Variants in TMEM40 observed in about 807,000 individuals in gnomAD.
TMEM40 encodes transmembrane protein 40.
A neutral mutation model predicts 40.8 loss-of-function variants in TMEM40; 34 were observed. The ratio of observed to expected loss-of-function variants is 0.83; its 90% CI spans 0.63 to 1.11. TMEM40 has a LOEUF of 1.11. Ranked by LOEUF, TMEM40 falls within the 50% of genes least tolerant of loss-of-function variation. TMEM40 has a pLI of 0.00. For missense variants in TMEM40, 296 were observed against 280.2 expected (o/e 1.06, Z -0.40); for synonymous variants, 106 against 107.0 (o/e 0.99, Z 0.06).
At chr3:12,744,011 T>C (rs556361074) in intron 3 of TMEM40, 22 bp from the exon 4 acceptor site, 1 of 1,607,888 alleles carries the variant, frequency 6.2e-7, no homozygotes, top group South Asian at 1.1e-5. Context: ...AAACACAAGC[T>C]GTAGGAGAAG....
intron 1 of TMEM40, among the ~76,000 whole-genome samples, chr3:12,755,253 T>TTCTC (rs2061517475): frequency 8.4e-6 from 1 of 119,222 alleles, no homozygotes; most frequent in African/African-American, 3.7e-5. Context: ...CTTTCTTTCT[T>TTCTC]TCTTTCTTTC....
At chr3:12,759,815 G>T (rs1040787782), upstream of TMEM40, among the ~76,000 whole-genome samples, 10 of 152,118 alleles carry the variant, frequency 6.6e-5, no homozygotes, top group Non-Finnish European at 1.3e-4. Context: ...GGAAAACACA[G>T]GTCCCTAGAG....
At chr3:12,739,864 T>C (rs2061367688) in intron 5 of TMEM40, among the ~76,000 whole-genome samples, 1 of 151,472 alleles carries the variant, frequency 6.6e-6, no homozygotes, top group Non-Finnish European at 1.5e-5. Flanking sequence ...CTCTCTGTCA[T>C]CCAGGTTGCA....
At chr3:12,746,568 G>A (rs1413631700) in intron 3 of TMEM40, among the ~76,000 whole-genome samples, 5 of 152,212 alleles carry the variant, frequency 3.3e-5, no homozygotes, top group South Asian at 2.1e-4. Context: ...GGACGGCAGG[G>A]CTGCGGTGAG....
At chr3:12,765,120 G>A (rs2061588072) in intron 1 of TMEM40, among the ~76,000 whole-genome samples, 1 of 152,102 alleles carries the variant, frequency 6.6e-6, no homozygotes, top group South Asian at 2.1e-4. Flanking sequence ...GCCTCCTAAA[G>A]TGCTGGGATT....
chr3:12,736,889 G>A, intron 8 of TMEM40, 54 bp from the exon 9 acceptor site: 1 of 1,609,838 alleles, frequency 6.2e-7, no homozygotes, highest in South Asian at 1.1e-5. Context: ...CTCTTTTTTT[G>A]GGCAGAGGAG....
intron 1 of TMEM40, among the ~76,000 whole-genome samples, chr3:12,750,979 C>A (rs2061470965): frequency 6.6e-6 from 1 of 152,090 alleles, no homozygotes; most frequent in African/African-American, 2.4e-5. Context: ...TGGCAGGAAG[C>A]CTCCTCCCCT....
At chr3:12,760,432 A>G (rs2061561529), upstream of TMEM40, among the ~76,000 whole-genome samples, 2 of 152,022 alleles carry the variant, frequency 1.3e-5, no homozygotes, top group African/African-American at 4.8e-5. Flanking sequence ...ACACTGGAAC[A>G]TGTTCCAGTT....
At chr3:12,767,077 G>C (rs1001439218) in intron 1 of TMEM40, among the ~76,000 whole-genome samples, 1 of 152,142 alleles carries the variant, frequency 6.6e-6, no homozygotes, top group Non-Finnish European at 1.5e-5. Context: ...CTTTCCTCCA[G>C]GTGAGGGAAG....
chr3:12,738,099 C>G, intron 7 of TMEM40, 37 bp downstream of exon 7: 1 of 1,612,368 alleles, frequency 6.2e-7, no homozygotes, highest in South Asian at 1.1e-5. Flanking sequence ...GGAATCCACA[C>G]CCGCTCTGGC....
intron 1 of TMEM40, among the ~76,000 whole-genome samples, chr3:12,769,086 G>A (rs915941405): frequency 1.4e-4 from 22 of 151,978 alleles, no homozygotes; most frequent in African/African-American, 3.9e-4. Context: ...GGTACCCGGC[G>A]CACCCTCCAC....
At chr3:12,752,334 G>A (rs1020613947) in intron 1 of TMEM40, among the ~76,000 whole-genome samples, 2 of 152,160 alleles carry the variant, frequency 1.3e-5, no homozygotes, top group Non-Finnish European at 2.9e-5. Flanking sequence ...ACCCTGTACA[G>A]AGCCGGGAAC....
At chr3:12,748,842 C>T (rs1458445975) in intron 2 of TMEM40, 50 bp from the exon 3 acceptor site, 2 of 1,555,538 alleles carry the variant, frequency 1.3e-6, no homozygotes, top group South Asian at 1.1e-5. Flanking sequence ...CCCTTCCCAC[C>T]CCAGGGACCA....
intron 6 of TMEM40, 135 bp from the exon 7 acceptor site, chr3:12,738,303 C>T: frequency 1.9e-6 from 2 of 1,077,950 alleles, no homozygotes; most frequent in Non-Finnish European, 1.4e-6. Context: ...GTATCCTTCT[C>T]TCTATTGATG....
intron 1 of TMEM40, among the ~76,000 whole-genome samples, chr3:12,752,490 G>A (rs1337113481): frequency 6.6e-6 from 1 of 152,162 alleles, no homozygotes; most frequent in Non-Finnish European, 1.5e-5. Context: ...TTGGGGCACA[G>A]AGAGGATAAG....
chr3:12,738,606 C>T lies in TMEM40; in HGVS notation c.356-18G>A. ...AGGAGCATCTGCACAGAAAGGAAATCAGTGATCATATACCCATGATCCTCT... is the reference window on the plus strand; with the variant it reads ...AGGAGCATCTGCACAGAAAGGAAATTAGTGATCATATACCCATGATCCTCT... On this transcript the variant is annotated intron_variant, in intron 5 of 11. Coordinates refer to ENST00000314124, the MANE Select transcript of TMEM40 (RefSeq NM_018306.4). 1 of 1,612,358 alleles carries T rather than the reference C, an allele frequency of 6.2e-7. No homozygotes were observed. The highest frequency in any genetic ancestry group is 8.5e-7 in the Non-Finnish European group (1 of 1,178,542).
intron 1 of TMEM40, among the ~76,000 whole-genome samples, chr3:12,755,160 CTTTCTTTCTT>C (rs1405237002): frequency 9.2e-5 from 13 of 140,990 alleles, no homozygotes; most frequent in Admixed American, 2.9e-4. Flanking sequence ...CTTTCTTTCT[CTTTCTTTCTT>C]TCTCTCTCTC....
At chr3:12,754,822 T>C (rs1160981997) in intron 1 of TMEM40, among the ~76,000 whole-genome samples, 1 of 152,088 alleles carries the variant, frequency 6.6e-6, no homozygotes, top group Non-Finnish European at 1.5e-5. Flanking sequence ...GCAGAACTAC[T>C]CCAGGACTCC....
Position 12,735,572 on chromosome 3 carries a change from T to C in TMEM40, c.665A>G (p.Gln222Arg). The change falls in exon 11 of 12, where the codon CAG (glutamine) becomes CGG (arginine). Residue 222 changes from glutamine to arginine, a missense_variant. Physicochemically the swap from Gln to Arg is conservative, Grantham distance 43 (BLOSUM62 1). Coordinates refer to ENST00000314124, the MANE Select transcript of TMEM40 (RefSeq NM_018306.4). Reference sequence around the variant, plus strand: ...AAAGTTACCTGTCAGCCTAAACTTCTGGAAGAGGGGGATGAAGCCTTGGAG... The same window carrying C: ...AAAGTTACCTGTCAGCCTAAACTTCCGGAAGAGGGGGATGAAGCCTTGGAG... ...SVLQGFIPLFQKFRLTGFRKT... is the reference protein window; with the variant it reads ...SVLQGFIPLFRKFRLTGFRKT... The C allele has an allele frequency of 1.2e-6, 2 of 1,613,756 alleles. No individual in the cohort carries two copies. The highest frequency in any genetic ancestry group is 1.7e-6 in the Non-Finnish European group (2 of 1,179,904).
Sources: gnomAD v4.1 joint callset for allele counts (sites outside exome capture counted in the v4.1 genomes callset) on GRCh38, gnomAD v4.1.1 for gene constraint, MANE v1.5 for transcripts, NCBI Gene and HGNC (gene_info 2026-07-23, HGNC 2026-07-21) for gene names.